Variants in GET4 observed in about 807,000 individuals in gnomAD.
GET4 encodes the protein guided entry of tail-anchored proteins factor 4.
In GET4, 20 loss-of-function variants were observed where a neutral mutation model predicts 40.0. That is an observed-to-expected ratio of 0.50 (90% confidence interval 0.35 to 0.73). GET4 has a LOEUF of 0.73. GET4 is among the 30% of genes least tolerant of loss of function. The probability of loss-of-function intolerance (pLI) is 0.01; values close to 1 mark genes in which losing one functional copy is unlikely to be tolerated. For missense variants in GET4, 557 were observed against 454.0 expected, an observed-to-expected ratio of 1.23 and a Z score of -2.06; for synonymous variants, 280 against 194.6, an observed-to-expected ratio of 1.44 and a Z score of -3.65.
At chr7:889,629 C>CA (rs1383428047) in intron 4 of GET4, among the ~76,000 whole-genome samples, 2 of 149,416 alleles carry the variant, frequency 1.3e-5, no homozygotes. Context: ...CCAAGGCATG[C>CA]ATGGGGCCTG....
rs1345978067 is a variant in GET4 at position 884,420 on chromosome 7, T to C, written c.156-1636T>C. ...GTGGGTCTCCCTCCAGAACCTTCAC[T>C]GTGCGGGGAGCACAGCAAAACCGGA... is the stretch of plus-strand genomic sequence containing the variant. On this transcript the variant is annotated intron_variant, in intron 1 of 8. Transcript: ENST00000265857. 2.4e-6 allele frequency: 3 copies of C among 1,232,650 alleles called. No homozygotes were observed. In the African/African-American group the frequency reaches 4.7e-5, roughly 19 times the overall value. 76.4% of individuals were successfully genotyped at this position (1,232,650 alleles called of 1,614,324 possible).
At chr7:886,535 G>T (rs759217219) in intron 2 of GET4, 34 bp from the exon 3 acceptor site, 2 of 1,534,618 alleles carry the variant, frequency 1.3e-6, no homozygotes, top group Non-Finnish European at 1.8e-6. Flanking sequence ...TCAGGGCTTT[G>T]TTCTTGATTC....
intron 1 of GET4, among the ~76,000 whole-genome samples, chr7:879,352 A>G (rs991412455): frequency 2.0e-5 from 3 of 152,256 alleles, no homozygotes; most frequent in Admixed American, 2.0e-4. Context: ...CACGGAGTGG[A>G]TGCCATTTCG....
chr7:886,303 A>C (rs566277143), intron 2 of GET4, 169 bp downstream of exon 2: 1 of 614,772 alleles, frequency 1.6e-6, no homozygotes, highest in Non-Finnish European at 2.9e-6. Flanking sequence ...TGGCTGCTCC[A>C]CTCTCAAGAC....
At chr7:890,696 C>G (rs1313974349) in intron 4 of GET4, among the ~76,000 whole-genome samples, 1 of 152,048 alleles carries the variant, frequency 6.6e-6, no homozygotes, top group Non-Finnish European at 1.5e-5. Context: ...CTTGGAGAAT[C>G]AAGATGTTGC....
chr7:876,819 C>T lies in GET4; in HGVS notation c.155+19C>T, dbSNP rs1392524173. The T allele has an allele frequency of 8.6e-7, 1 of 1,160,376 alleles. No homozygotes were observed. Among genetic ancestry groups the T allele is most frequent in the Non-Finnish European group, 1.1e-6 (1 of 929,542 alleles). 71.9% of individuals were successfully genotyped at this position (1,160,376 alleles called of 1,614,324 possible). ...TCTTCAGGTACCCGCGCCCGGCCCT[C>T]GCCGCAGCCCAGCGCCCGCCCCCGC... On this transcript the variant is annotated intron_variant, in intron 1 of 8. Coordinates refer to ENST00000265857, the MANE Select transcript of GET4 (RefSeq NM_015949.3).
At chr7:879,218 C>A (rs1238013749) in intron 1 of GET4, among the ~76,000 whole-genome samples, 1 of 152,268 alleles carries the variant, frequency 6.6e-6, no homozygotes, top group Non-Finnish European at 1.5e-5. Flanking sequence ...TAAACACCGT[C>A]TGTCACGCCC....
Position 876,669 on chromosome 7 carries a change from C to G in GET4, c.24C>G (p.Ala8=), listed in dbSNP as rs950590644. The change falls in exon 1 of 9, where the codon GCC becomes GCG. Residue 8 remains alanine (A), a synonymous_variant. Transcript: ENST00000265857. ...CGATGGCGGCGGCGGCGGCGATGGC[C>G]GAGCAGGAGAGCGCCCGGAACGGCG... MAAAAAM[A]EQESARNGGR... The G allele has an allele frequency of 1.1e-5, 15 of 1,307,044 alleles. No homozygotes were observed. The highest frequency in any genetic ancestry group is 1.6e-5 in the African/African-American group (1 of 63,154). The allele number at this position is 1,307,044 out of a possible 1,614,324, so 81.0% of individuals were successfully genotyped here. A position where few individuals can be genotyped will look rare whatever the true frequency, so the allele number is the denominator to read the frequency against.
chr7:877,204 TC>T (rs2128625767), intron 1 of GET4, among the ~76,000 whole-genome samples: 1 of 5,486 alleles, frequency 1.8e-4, no homozygotes, highest in Admixed American at 2.7e-3. Flanking sequence ...TTGGTCTCGC[TC>T]TCTCTCTCTC....
chr7:891,141 G>C, intron 5 of GET4, 75 bp downstream of exon 5: 2 of 1,210,476 alleles, frequency 1.7e-6, no homozygotes, highest in Non-Finnish European at 2.3e-6. Context: ...AGGTCCCCTT[G>C]TCCCCTGTCC....
chr7:884,358 T>G (rs1480916617), intron 1 of GET4: 4 of 1,302,882 alleles, frequency 3.1e-6, no homozygotes, highest in East Asian at 1.1e-4. Flanking sequence ...GGTCACAGAG[T>G]CAGTGGTCCT....
At chr7:879,725 G>C (rs75268376) in intron 1 of GET4, 3 of 152,174 alleles carry the variant, frequency 2.0e-5, no homozygotes, top group African/African-American at 2.4e-5. Flanking sequence ...AAAGAGATTC[G>C]CGTTCCTCCT....
At chr7:892,523 G>A in intron 6 of GET4, 105 bp downstream of exon 6, 1 of 1,244,322 alleles carries the variant, frequency 8.0e-7, no homozygotes, top group Non-Finnish European at 1.1e-6. Context: ...TAGCCATGGT[G>A]TGGGTAGCCG....
chr7:893,944 C>G lies in GET4; in HGVS notation c.868C>G (p.Gln290Glu). Residue 290 changes from glutamine (Q) to glutamate (E), a missense_variant, in exon 8 of 9, where the codon CAG (glutamine) becomes GAG (glutamate). Transcript: ENST00000265857. ...GQLFFGVPPKQTSSYGGLLGN... is the reference protein window; with the variant it reads ...GQLFFGVPPKETSSYGGLLGN... ...GCTGTTCTTCGGCGTCCCGCCCAAG[C>G]AGACGTCTTCCTACGGGGGCCTGCT... 1 of 1,606,148 alleles carries G rather than the reference C, an allele frequency of 6.2e-7. No individual in the cohort carries two copies.
At chr7:893,669 G>A (rs13234327) in intron 6 of GET4, 71 bp from the exon 7 acceptor site, 22 of 986,004 alleles carry the variant, frequency 2.2e-5, no homozygotes, top group East Asian at 9.9e-5. Flanking sequence ...GGGCGCAGGC[G>A]CGGTGGTTTG....
chr7:896,062 T>C lies in GET4; in HGVS notation c.*640T>C, dbSNP rs1014246804. Reference sequence around the variant, plus strand: ...GCATCCCAGAGCTGCGCCCTGCTGGTCTCTGTGAGCGCCACGCTGCTGTGC... The same window carrying C: ...GCATCCCAGAGCTGCGCCCTGCTGGCCTCTGTGAGCGCCACGCTGCTGTGC... On this transcript the variant is annotated 3_prime_UTR_variant, in exon 9 of 9. Coordinates refer to ENST00000265857, the MANE Select transcript of GET4 (RefSeq NM_015949.3). 7 of 152,170 alleles carry C rather than the reference T, an allele frequency of 4.6e-5. No homozygotes were observed. The highest frequency in any genetic ancestry group is 7.2e-5 in the African/African-American group (3 of 41,422). The allele number at this position is 152,170 out of a possible 1,614,324, so 9.4% of individuals were successfully genotyped here.
At chr7:881,214 C>T (rs1259678516) in intron 1 of GET4, 2 of 152,178 alleles carry the variant, frequency 1.3e-5, no homozygotes, top group Admixed American at 1.3e-4. Context: ...TGCACATTTA[C>T]ATTTAAATAT....
At position 891,075 on chromosome 7, in the gene GET4, CTG is replaced by C. The variant is rs762147381; in HGVS notation, c.605+12_605+13del. ...GCCCAGGCCGTGCTACAGTAGGTGT[CTG>C]TGGCTCTTCGGGTCTCGGCTTCCAT... On this transcript the variant is annotated intron_variant, in intron 5 of 8. Coordinates refer to ENST00000265857, the MANE Select transcript of GET4 (RefSeq NM_015949.3). 1 of 1,580,642 alleles carries C rather than the reference CTG, an allele frequency of 6.3e-7. No individual in the cohort carries two copies. The highest frequency in any genetic ancestry group is 1.8e-5 in the Admixed American group (1 of 56,654).
At position 895,553 on chromosome 7, in the gene GET4, GTC is replaced by G. The variant is rs1189335675; in HGVS notation, c.*133_*134del. On this transcript the variant is annotated 3_prime_UTR_variant, in exon 9 of 9. Coordinates refer to ENST00000265857, the MANE Select transcript of GET4 (RefSeq NM_015949.3). ...TGGCGGTGGCCGCATGCCGGCGCGT[GTC>G]TGTTTCTGTGCGGCGGCTCAGGGTG... 5.6e-6 allele frequency: 3 copies of G among 534,948 alleles called. No homozygotes were observed. Among genetic ancestry groups the G allele is most frequent in the East Asian group, 6.5e-5 (2 of 30,880 alleles). 33.1% of individuals were successfully genotyped at this position (534,948 alleles called of 1,614,324 possible).
Sources: allele counts gnomAD v4.1 joint callset (sites outside exome capture counted in the v4.1 genomes callset), GRCh38; gene constraint gnomAD v4.1.1; transcripts MANE v1.5; gene names NCBI Gene and HGNC (gene_info 2026-07-23, HGNC 2026-07-21).